The following SCAPER variants were observed in gnomAD, a reference collection of about 807,000 sequenced individuals.
The protein encoded by SCAPER is S phase cyclin A-associated protein in the endoplasmic reticulum.
In SCAPER, 98 loss-of-function variants were observed where a neutral mutation model predicts 182.2. That is an observed-to-expected ratio of 0.54 (90% CI 0.46 to 0.64). The LOEUF (loss-of-function observed/expected upper bound fraction) is 0.64, where lower values mean the gene tolerates loss of function less well. SCAPER is among the 30% of genes least tolerant of loss of function. The pLI is 0.00. For synonymous variants in SCAPER, 605 were observed against 564.6 expected, an observed-to-expected ratio of 1.07 and a Z score of -1.01; for missense variants, 1,432 against 1,690.0, an observed-to-expected ratio of 0.85 and a Z score of 2.68.
chr15:76,595,468 T>G (rs984850379), intron 22 of SCAPER, among the ~76,000 whole-genome samples: 1 of 121,478 alleles, frequency 8.2e-6, no homozygotes, highest in South Asian at 2.6e-4. Context: ...GTGGACCAAA[T>G]AGACATCTAC....
In SCAPER at chr15:76,404,622, T is replaced by C; in HGVS notation, c.3369A>G (p.Gln1123=). ...DKLCACFLSV[Q]GPVDENPKMA... The stretch of plus-strand genomic sequence containing the variant: ...TCTTGGGATTCTCATCCACTGGGCC[T>C]TGCACCGAGAGGAAGCAGGCACACA... The change falls in exon 27 of 32, where the codon CAA becomes CAG. Residue 1123 remains glutamine (Q), a synonymous_variant. Transcript: ENST00000563290. 1.9e-6 allele frequency: 3 copies of C among 1,613,330 alleles called. No individual in the cohort carries two copies. The highest frequency in any genetic ancestry group is 2.5e-6 in the Non-Finnish European group (3 of 1,179,726).
At chr15:76,737,157 C>T (rs1366826931) in intron 15 of SCAPER, among the ~76,000 whole-genome samples, 1 of 152,194 alleles carries the variant, frequency 6.6e-6, no homozygotes, top group Non-Finnish European at 1.5e-5. Context: ...ATTTCCTTTG[C>T]CCAGATCCAT....
chr15:76,609,130 T>C (rs1438538526), intron 22 of SCAPER, among the ~76,000 whole-genome samples: 3 of 152,168 alleles, frequency 2.0e-5, no homozygotes. Flanking sequence ...CTGGTAGCTG[T>C]AGACTGGAGC....
chr15:76,510,841 G>T (rs1457695909), intron 23 of SCAPER, among the ~76,000 whole-genome samples: 1 of 151,402 alleles, frequency 6.6e-6, no homozygotes, highest in Non-Finnish European at 1.5e-5. Context: ...CAATCAACAA[G>T]TGGATAAAGA....
intron 29 of SCAPER, among the ~76,000 whole-genome samples, chr15:76,375,900 G>T (rs1415624836): frequency 3.9e-5 from 6 of 152,144 alleles, no homozygotes; most frequent in African/African-American, 1.4e-4. Context: ...CATGAGAATC[G>T]CTTGAACCTG....
At chr15:76,891,965 G>A (rs1031423922) in intron 1 of SCAPER, among the ~76,000 whole-genome samples, 6 of 152,100 alleles carry the variant, frequency 3.9e-5, no homozygotes, top group African/African-American at 1.4e-4. Flanking sequence ...GCACGGTACT[G>A]GTACCAAAAC....
chr15:76,725,759 C>G (rs1378139183), intron 17 of SCAPER, among the ~76,000 whole-genome samples: 2 of 151,820 alleles, frequency 1.3e-5, no homozygotes, highest in African/African-American at 4.8e-5. Context: ...ACAGTCTTTT[C>G]AACAAGAAGT....
chr15:76,791,400 C>A (rs1437622657), intron 8 of SCAPER, among the ~76,000 whole-genome samples: 2 of 152,106 alleles, frequency 1.3e-5, no homozygotes, highest in Admixed American at 6.6e-5. Context: ...GAGAGAAGGA[C>A]AACGAGATCA....
intron 8 of SCAPER, among the ~76,000 whole-genome samples, chr15:76,789,927 T>C (rs2064879546): frequency 6.6e-6 from 1 of 152,186 alleles, no homozygotes; most frequent in Non-Finnish European, 1.5e-5. Context: ...ATATTTTGTT[T>C]AAAATATTTA....
chr15:76,356,977 T>A (rs1596280620), intron 29 of SCAPER, among the ~76,000 whole-genome samples: 1 of 152,194 alleles, frequency 6.6e-6, no homozygotes, highest in South Asian at 2.1e-4. Flanking sequence ...CAAAAGACAT[T>A]GAAATGGAAC....
intron 24 of SCAPER, chr15:76,498,312 A>C (rs1193928504): frequency 2.6e-5 from 4 of 152,190 alleles, no homozygotes; most frequent in Admixed American, 2.6e-4. Context: ...GTTTTCTGGG[A>C]TTAAGGACTG....
chr15:76,465,520 C>A (rs1035516010), intron 25 of SCAPER, among the ~76,000 whole-genome samples: 1 of 152,138 alleles, frequency 6.6e-6, no homozygotes, highest in Non-Finnish European at 1.5e-5. Context: ...TCATTCTGTA[C>A]ATTGCCTTTC....
At chr15:76,790,446 T>A (rs1183439332) in intron 8 of SCAPER, among the ~76,000 whole-genome samples, 1 of 152,106 alleles carries the variant, frequency 6.6e-6, no homozygotes, top group Non-Finnish European at 1.5e-5. Flanking sequence ...CATGAAAAAA[T>A]TTTTAGTTAC....
chr15:76,817,469 C>T (rs746984486), intron 5 of SCAPER, among the ~76,000 whole-genome samples: 2 of 152,014 alleles, frequency 1.3e-5, no homozygotes, highest in Non-Finnish European at 2.9e-5. Flanking sequence ...CTTCTAATTA[C>T]GTAGGATGAA....
intron 26 of SCAPER, among the ~76,000 whole-genome samples, chr15:76,430,078 C>A (rs540333518): frequency 5.6e-4 from 86 of 152,322 alleles, no homozygotes; most frequent in African/African-American, 1.9e-3. Flanking sequence ...AAGCCCCAAG[C>A]CTTGGCAGCT....
chr15:76,743,677 T>C (rs1456677941), intron 15 of SCAPER, among the ~76,000 whole-genome samples: 1 of 152,054 alleles, frequency 6.6e-6, no homozygotes, highest in Non-Finnish European at 1.5e-5. Context: ...ACATCCCATG[T>C]GCATGTATTA....
chr15:76,438,713 T>C (rs965840477), intron 25 of SCAPER, among the ~76,000 whole-genome samples: 7 of 152,234 alleles, frequency 4.6e-5, no homozygotes, highest in African/African-American at 1.7e-4. Context: ...TTTACTCTAC[T>C]GAACAGTCCT....
chr15:76,697,887 A>C (rs1294839399), intron 20 of SCAPER, among the ~76,000 whole-genome samples: 4 of 152,002 alleles, frequency 2.6e-5, no homozygotes, highest in African/African-American at 9.7e-5. Flanking sequence ...TGATCCACCC[A>C]CCTCAGCCTC....
chr15:76,477,558 TGATA>T (rs2050754207), intron 24 of SCAPER, among the ~76,000 whole-genome samples: 1 of 152,078 alleles, frequency 6.6e-6, no homozygotes, highest in South Asian at 2.1e-4. Context: ...TGAAGCCTTT[TGATA>T]GATATTATCA....
Sources: gnomAD v4.1 joint callset for allele counts (sites outside exome capture counted in the v4.1 genomes callset) on GRCh38, gnomAD v4.1.1 for gene constraint, MANE v1.5 for transcripts, NCBI Gene and HGNC (gene_info 2026-07-23, HGNC 2026-07-21) for gene names.